Variants in DAB1 observed in about 807,000 individuals in gnomAD.
DAB1 encodes the protein DAB adaptor protein 1.
Under a neutral mutation model 64.6 loss-of-function variants are expected in DAB1, and 15 were observed. The ratio of observed to expected loss-of-function variants is 0.23; its 90% CI spans 0.16 to 0.36. The LOEUF (loss-of-function observed/expected upper bound fraction) is 0.36. Ranked by LOEUF, DAB1 falls within the 10% of genes least tolerant of loss-of-function variation. The pLI is 1.00. For missense variants in DAB1, 596 were observed against 706.7 expected, an observed-to-expected ratio of 0.84 and a Z score of 1.78; for synonymous variants, 235 against 251.9, an observed-to-expected ratio of 0.93 and a Z score of 0.64.
At chr1:58,353,082 G>A (rs963785401) in intron 3 of DAB1, among the ~76,000 whole-genome samples, 5 of 151,710 alleles carry the variant, frequency 3.3e-5, no homozygotes, top group Admixed American at 3.3e-4. Flanking sequence ...CTGCCGAATC[G>A]AACCTCCACC....
chr1:57,248,600 A>G (rs777045362), intron 2 of DAB1, among the ~76,000 whole-genome samples: 1 of 152,210 alleles, frequency 6.6e-6, no homozygotes, highest in Non-Finnish European at 1.5e-5. Flanking sequence ...AAAATTGACT[A>G]CAAAAACAGT....
chr1:57,774,383 TG>T (rs1430951372), intron 6 of DAB1, among the ~76,000 whole-genome samples: 1 of 151,874 alleles, frequency 6.6e-6, no homozygotes, highest in Admixed American at 6.6e-5. Context: ...TCTGTGAACA[TG>T]AACAGTTTTA....
At chr1:57,261,995 T>C (rs1228556033) in intron 2 of DAB1, among the ~76,000 whole-genome samples, 1 of 152,152 alleles carries the variant, frequency 6.6e-6, no homozygotes, top group Admixed American at 6.5e-5. Context: ...CTACTGTCTT[T>C]AAGGAGTTTA....
intron 3 of DAB1, among the ~76,000 whole-genome samples, chr1:58,356,030 A>G (rs909120186): frequency 2.0e-5 from 3 of 152,214 alleles, no homozygotes; most frequent in Non-Finnish European, 4.4e-5. Flanking sequence ...CAAGCGAACA[A>G]CTTCTGCTCT....
intron 5 of DAB1, among the ~76,000 whole-genome samples, chr1:58,085,134 A>G (rs1299366382): frequency 6.6e-6 from 1 of 152,186 alleles, no homozygotes; most frequent in East Asian, 1.9e-4. Flanking sequence ...TTGGCTTGTG[A>G]CATTGTCTCT....
chr1:58,346,246 G>A (rs1265577346), intron 3 of DAB1, among the ~76,000 whole-genome samples: 2 of 152,184 alleles, frequency 1.3e-5, no homozygotes, highest in East Asian at 1.9e-4. Context: ...GGAAATGAAG[G>A]CCCCTGTGCC....
chr1:57,869,946 C>A (rs936751506), intron 1 of DAB1, among the ~76,000 whole-genome samples: 1 of 152,068 alleles, frequency 6.6e-6, no homozygotes, highest in African/African-American at 2.4e-5. Context: ...GCAGCTTGGG[C>A]TGCATCTTTT....
chr1:58,159,680 G>T (rs934501251), intron 4 of DAB1, among the ~76,000 whole-genome samples: 2 of 152,222 alleles, frequency 1.3e-5, no homozygotes, highest in Middle Eastern at 3.2e-3. Flanking sequence ...TGCACCCAAG[G>T]TACGTGGCGG....
chr1:57,683,693 T>G (rs932781008), intron 6 of DAB1, among the ~76,000 whole-genome samples: 24 of 152,120 alleles, frequency 1.6e-4, no homozygotes, highest in Admixed American at 1.6e-3. Flanking sequence ...AAAGAGTCAG[T>G]GCAAGAACTC....
chr1:58,098,552 T>C (rs1257739198), intron 5 of DAB1, among the ~76,000 whole-genome samples: 2 of 152,180 alleles, frequency 1.3e-5, no homozygotes, highest in Non-Finnish European at 2.9e-5. Context: ...TGAACTATTA[T>C]AGGATAAATT....
intron 5 of DAB1, among the ~76,000 whole-genome samples, chr1:57,965,565 C>G (rs1645644271): frequency 6.6e-6 from 1 of 152,042 alleles, no homozygotes; most frequent in Admixed American, 6.6e-5. Flanking sequence ...ATTATGATTT[C>G]CAATTGTATT....
chr1:57,255,518 G>T (rs914845650), intron 2 of DAB1, among the ~76,000 whole-genome samples: 1 of 152,068 alleles, frequency 6.6e-6, no homozygotes, highest in African/African-American at 2.4e-5. Flanking sequence ...AAATTAGCTG[G>T]ATGTGGTGAT....
intron 4 of DAB1, among the ~76,000 whole-genome samples, chr1:58,281,319 C>T (rs1481246678): frequency 6.6e-6 from 1 of 151,750 alleles, no homozygotes; most frequent in Non-Finnish European, 1.5e-5. Flanking sequence ...TGACAATTCA[C>T]ACAAGTGACG....
rs144522122 is a variant in DAB1, at chr1:58,047,587, T to C, written n.387+102924A>G. ...CATAGATACTAATTTTGATTTTTTTTAACCCATTCGCTTGTTTATGGTTAA... is the reference window on the plus strand; with the variant it reads ...CATAGATACTAATTTTGATTTTTTTCAACCCATTCGCTTGTTTATGGTTAA... On this transcript the variant is annotated intron_variant and non_coding_transcript_variant, in intron 5 of 20. Coordinates refer to the DAB1 transcript ENST00000485760. 3.5e-3 allele frequency among the ~76,000 whole-genome samples: 526 copies of C among 152,340 alleles called. 5 individuals are homozygous for C. Among genetic ancestry groups the C allele is most frequent in the African/African-American group, 0.012 (507 of 41,566 alleles).
At chr1:58,202,635 C>T (rs1170182497) in intron 4 of DAB1, among the ~76,000 whole-genome samples, 3 of 152,122 alleles carry the variant, frequency 2.0e-5, no homozygotes, top group African/African-American at 7.2e-5. Flanking sequence ...AGTTAATGGA[C>T]GTGAATGTGT....
At position 58,518,334 on chromosome 1, in the gene DAB1, AGAAGAGAAGAGAAGAGAAGG is replaced by A. The variant is rs1557450356; in HGVS notation, n.107+8907_107+8926del. Reference sequence around the variant, plus strand: ...AGAAGAGAAGAGAAGAGAAGAGAAGAGAAGAGAAGAGAAGAGAAGGGAAGGGAAGAGAAGAGAAGGGAAGA... The same window carrying A: ...AGAAGAGAAGAGAAGAGAAGAGAAGAGAAGGGAAGAGAAGAGAAGGGAAGA... On this transcript the variant is annotated intron_variant and non_coding_transcript_variant, in intron 2 of 20. Transcript: ENST00000485760. Among the ~76,000 whole-genome samples the A allele has an allele frequency of 3.6e-4, 37 of 103,298 alleles. 6 individuals are homozygous for A. Among genetic ancestry groups the A allele is most frequent in the African/African-American group, 6.5e-4 (15 of 23,042 alleles). The allele number at this position is 103,298 out of a possible 152,430, so 67.8% of individuals were successfully genotyped here. A position where few individuals can be genotyped will look rare whatever the true frequency, so the allele number is the denominator to read the frequency against.
At chr1:57,105,103 T>C (rs114213511) in intron 4 of DAB1, among the ~76,000 whole-genome samples, 4,371 of 152,082 alleles carry the variant, frequency 0.029, 89 homozygotes, top group Non-Finnish European at 0.042. Context: ...GCAGGTAAGA[T>C]CTTCAACTGA....
intron 4 of DAB1, among the ~76,000 whole-genome samples, chr1:58,290,027 C>G (rs1661776918): frequency 6.6e-6 from 1 of 152,194 alleles, no homozygotes; most frequent in Non-Finnish European, 1.5e-5. Context: ...GTTTTAAGCT[C>G]CTATCATGTT....
chr1:57,612,076 C>T (rs1377972025), intron 7 of DAB1, among the ~76,000 whole-genome samples: 1 of 152,118 alleles, frequency 6.6e-6, no homozygotes, highest in Non-Finnish European at 1.5e-5. Flanking sequence ...GGACTCATTC[C>T]CTCACTCATT....
Sources: allele counts gnomAD v4.1 joint callset (sites outside exome capture counted in the v4.1 genomes callset), GRCh38; gene constraint gnomAD v4.1.1; transcripts MANE v1.5; gene names NCBI Gene and HGNC (gene_info 2026-07-23, HGNC 2026-07-21).